Variants in ARHGAP19 observed in about 807,000 individuals in gnomAD.
The protein encoded by ARHGAP19 is rho GTPase-activating protein 19.
In ARHGAP19, 48 loss-of-function variants were observed where a neutral mutation model predicts 60.9. That is an observed-to-expected ratio of 0.79 (90% confidence interval 0.62 to 1.00). The LOEUF is 1.00. Among genes scored for constraint, ARHGAP19 ranks in the 50% least tolerant of loss-of-function variants. The pLI is 0.00. For missense variants in ARHGAP19, 562 were observed against 597.2 expected (o/e 0.94, Z 0.61); for synonymous variants, 209 against 215.5 (o/e 0.97, Z 0.27).
At chr10:97,231,925 T>C (rs1407579580) in intron 9 of ARHGAP19, among the ~76,000 whole-genome samples, 1 of 151,842 alleles carries the variant, frequency 6.6e-6, no homozygotes, top group African/African-American at 2.4e-5. Flanking sequence ...CTATCAATAA[T>C]GCATAGGGGT....
chr10:97,249,452 TC>T (rs1374634169), intron 6 of ARHGAP19, among the ~76,000 whole-genome samples: 1 of 152,166 alleles, frequency 6.6e-6, no homozygotes, highest in African/African-American at 2.4e-5. Flanking sequence ...TTAATCTGAA[TC>T]TGATTAAGAC....
At chr10:97,262,789 G>GA (rs1185337675) in intron 4 of ARHGAP19, among the ~76,000 whole-genome samples, 1 of 151,900 alleles carries the variant, frequency 6.6e-6, no homozygotes, top group Non-Finnish European at 1.5e-5. Context: ...TGAAATATAT[G>GA]AATCAATCCA....
chr10:97,225,490 AAAT>A lies in ARHGAP19; in HGVS notation c.*629_*631del, dbSNP rs1391552025. On this transcript the variant is annotated 3_prime_UTR_variant, in exon 12 of 12. Coordinates refer to ENST00000358531, the MANE Select transcript of ARHGAP19 (RefSeq NM_032900.6). ...CAAATACTCTGATGTCACACCCAAGAAATAATAAAAAATGTCCAGAAAAGCTAT... is the reference window on the plus strand; with the variant it reads ...CAAATACTCTGATGTCACACCCAAGAAATAAAAAATGTCCAGAAAAGCTAT... 2.6e-5 allele frequency: 4 copies of A among 152,234 alleles called. No individual in the cohort carries two copies. Among genetic ancestry groups the A allele is most frequent in the Non-Finnish European group, 5.9e-5 (4 of 68,056 alleles). 9.4% of individuals were successfully genotyped at this position (152,234 alleles called of 1,614,324 possible).
intron 1 of ARHGAP19, among the ~76,000 whole-genome samples, chr10:97,267,564 G>T (rs182312497): frequency 6.6e-6 from 1 of 152,296 alleles, no homozygotes; most frequent in Non-Finnish European, 1.5e-5. Flanking sequence ...CCCTAGCAGA[G>T]GTTCTCCATG....
Position 97,226,080 on chromosome 10 carries a change from CAG to C in ARHGAP19, c.*40_*41del, listed in dbSNP as rs760306872. On this transcript the variant is annotated 3_prime_UTR_variant, in exon 12 of 12. Coordinates refer to ENST00000358531, the MANE Select transcript of ARHGAP19 (RefSeq NM_032900.6). Reference sequence around the variant, plus strand: ...GCAGGAATAACACCTGCCCACTAAACAGAAAATTCTGCATGGACCATAGGAGA... The same window carrying C: ...GCAGGAATAACACCTGCCCACTAAACAAAATTCTGCATGGACCATAGGAGA... 9 of 1,609,176 alleles carry C rather than the reference CAG, an allele frequency of 5.6e-6. No homozygotes were observed. The South Asian group carries it at 1.0e-4, about 18-fold the overall frequency.
chr10:97,239,501 CAA>C (rs71007326), intron 8 of ARHGAP19, among the ~76,000 whole-genome samples: 2,047 of 138,242 alleles, frequency 0.015, 63 homozygotes, highest in African/African-American at 0.054. Flanking sequence ...GACTCCGTCT[CAA>C]AAAAAAAAAG....
rs1842962089 is a variant in ARHGAP19, at chr10:97,271,789, T to C, written c.57-5664A>G. ...CTCTGCCTTCCAGAGGAGATATATA[T>C]ATTTATTTATATATTTACTTATTTA... is the stretch of plus-strand genomic sequence containing the variant. On this transcript the variant is annotated intron_variant, in intron 1 of 11. Coordinates refer to ENST00000358531, the MANE Select transcript of ARHGAP19 (RefSeq NM_032900.6). Among the ~76,000 whole-genome samples the C allele has an allele frequency of 2.6e-5, 4 of 152,004 alleles. No homozygotes were observed. The South Asian group carries it at 8.3e-4, about 32-fold the overall frequency.
At chr10:97,278,094 T>G (rs528791457) in intron 1 of ARHGAP19, 1 of 153,412 alleles carries the variant, frequency 6.5e-6, no homozygotes, top group South Asian at 2.1e-4. Context: ...AAACTTATAC[T>G]CTGTAAGCAG....
At chr10:97,251,135 A>AG (rs1842640332) in intron 6 of ARHGAP19, among the ~76,000 whole-genome samples, 1 of 106,856 alleles carries the variant, frequency 9.4e-6, no homozygotes, top group Non-Finnish European at 1.9e-5. Context: ...GGGGAAGGGA[A>AG]GGGAAGAGAA....
At chr10:97,251,213 AGGGGAATGGAAG>A (rs1842645457) in intron 6 of ARHGAP19, among the ~76,000 whole-genome samples, 1 of 38,570 alleles carries the variant, frequency 2.6e-5, no homozygotes, top group Non-Finnish European at 4.6e-5. Flanking sequence ...GGGAAGGGGA[AGGGGAATGGAAG>A]GGGAAGGGAA....
intron 5 of ARHGAP19, 71 bp from the exon 6 acceptor site, chr10:97,256,475 T>C: frequency 9.1e-7 from 1 of 1,095,774 alleles, no homozygotes. Context: ...ATAAGCCTGT[T>C]CTTTCAAATG....
In ARHGAP19 at chr10:97,224,302, T is replaced by A. The variant is rs887282565; in HGVS notation, c.*1820A>T. 2.0e-5 allele frequency: 3 copies of A among 152,212 alleles called. No individual in the cohort carries two copies. The highest frequency in any genetic ancestry group is 2.0e-4 in the Admixed American group (3 of 15,286). The allele number at this position is 152,212 out of a possible 1,614,324, so 9.4% of individuals were successfully genotyped here. A position where few individuals can be genotyped will look rare whatever the true frequency, so the allele number is the denominator to read the frequency against. On this transcript the variant is annotated 3_prime_UTR_variant, in exon 12 of 12. Transcript: ENST00000358531. The stretch of plus-strand genomic sequence containing the variant: ...AGGGTTTTCTGTTTGAATTAACTGA[T>A]ATCTGGTGTAAGGGATTTCATTTTC...
chr10:97,229,368 C>T (rs780575639), intron 10 of ARHGAP19, 143 bp from the exon 11 acceptor site: 67 of 722,320 alleles, frequency 9.3e-5, no homozygotes, highest in Non-Finnish European at 1.9e-5. Context: ...TTAATCTTAA[C>T]TGATTTACTG....
At chr10:97,258,353 C>G (rs912376423) in intron 5 of ARHGAP19, among the ~76,000 whole-genome samples, 1 of 152,066 alleles carries the variant, frequency 6.6e-6, no homozygotes, top group African/African-American at 2.4e-5. Flanking sequence ...TGGCAAAACC[C>G]CATCTCTACT....
rs564030304 is a variant in ARHGAP19 at position 97,232,335 on chromosome 10, T to C, written c.1285-2461A>G. Among the ~76,000 whole-genome samples, 157 of 151,996 alleles carry C rather than the reference T, an allele frequency of 1.0e-3. 1 individual carries two copies. Among genetic ancestry groups the C allele is most frequent in the African/African-American group, 3.7e-3 (154 of 41,464 alleles). ...CATGCCAACATGCCCGGCTAATTTT[T>C]TGTATTTTTAATAGAGATGGAGTTT... On this transcript the variant is annotated intron_variant, in intron 9 of 11. Coordinates refer to ENST00000358531, the MANE Select transcript of ARHGAP19 (RefSeq NM_032900.6).
At position 97,292,570 on chromosome 10, in the gene ARHGAP19, A is replaced by G; in HGVS notation, c.56+2T>C. The G allele has an allele frequency of 6.2e-7, 1 of 1,613,456 alleles. No homozygotes were observed. On this transcript the variant is annotated splice_donor_variant, in intron 1 of 11. Coordinates refer to ENST00000358531, the MANE Select transcript of ARHGAP19 (RefSeq NM_032900.6). LOFTEE classifies it high-confidence loss of function. ...CAGGAAACTGGACCAAACTCAGCTC[A>G]CCTCCGGCCGGATTCGCGGGCTGGC...
chr10:97,245,249 C>T (rs895482988), intron 7 of ARHGAP19, among the ~76,000 whole-genome samples: 1 of 152,032 alleles, frequency 6.6e-6, no homozygotes, highest in Non-Finnish European at 1.5e-5. Flanking sequence ...TCAAGTGATC[C>T]GCCTACCTTG....
At chr10:97,274,724 A>G (rs1843002581) in intron 1 of ARHGAP19, among the ~76,000 whole-genome samples, 2 of 152,180 alleles carry the variant, frequency 1.3e-5, no homozygotes, top group Non-Finnish European at 2.9e-5. Context: ...TAGAAAATCA[A>G]AGTATATACT....
At chr10:97,287,106 C>A (rs1394144013) in intron 1 of ARHGAP19, among the ~76,000 whole-genome samples, 1 of 152,088 alleles carries the variant, frequency 6.6e-6, no homozygotes, top group African/African-American at 2.4e-5. Flanking sequence ...CATCACCACA[C>A]CTGGCTATGT....
Sources: gnomAD v4.1 joint callset for allele counts (sites outside exome capture counted in the v4.1 genomes callset) on GRCh38, gnomAD v4.1.1 for gene constraint, MANE v1.5 for transcripts, NCBI Gene and HGNC (gene_info 2026-07-23, HGNC 2026-07-21) for gene names.